LAMA2: variants seen among roughly 807,000 people sequenced by gnomAD.
LAMA2 encodes laminin subunit alpha 2, also known as laminin subunit alpha-2.
In LAMA2, 269 loss-of-function variants were observed where a neutral mutation model predicts 364.8. The ratio of observed to expected loss-of-function variants is 0.74; its 90% confidence interval spans 0.67 to 0.82. The LOEUF is 0.82. Among genes scored for constraint, LAMA2 ranks in the 40% least tolerant of loss-of-function variants. The pLI, the probability that LAMA2 is intolerant of heterozygous loss-of-function variation, is 0.00. For missense variants in LAMA2, 3,807 were observed against 3,873.2 expected (o/e 0.98, Z 0.45); for synonymous variants, 1,379 against 1,370.6 (o/e 1.01, Z -0.14).
intron 22 of LAMA2, among the ~76,000 whole-genome samples, chr6:129,311,597 A>G (rs1480819928): frequency 6.6e-6 from 1 of 152,208 alleles, no homozygotes; most frequent in African/African-American, 2.4e-5. Flanking sequence ...CAGAAACAGT[A>G]GATGTATAAT....
At chr6:128,930,021 T>G in intron 1 of LAMA2, 1 of 488,960 alleles carries the variant, frequency 2.0e-6, no homozygotes, top group South Asian at 2.2e-5. Context: ...AGCCTCGGCG[T>G]TGCAGAGCAC....
chr6:128,976,459 C>A (rs1008556811), intron 1 of LAMA2, among the ~76,000 whole-genome samples: 3 of 152,118 alleles, frequency 2.0e-5, no homozygotes, highest in Admixed American at 2.0e-4. Context: ...TGGGAGGTAA[C>A]ATCCAGGATA....
At chr6:129,318,949 T>C (rs575226540) in intron 27 of LAMA2, among the ~76,000 whole-genome samples, 58 of 152,194 alleles carry the variant, frequency 3.8e-4, no homozygotes, top group Non-Finnish European at 6.9e-4. Context: ...CATCATAAAA[T>C]AGTCCCAGTT....
chr6:129,299,964 C>T (rs1773447846), intron 21 of LAMA2, among the ~76,000 whole-genome samples: 1 of 152,154 alleles, frequency 6.6e-6, no homozygotes, highest in Non-Finnish European at 1.5e-5. Flanking sequence ...TGAAACGCTG[C>T]ACTAGAAATA....
intron 17 of LAMA2, among the ~76,000 whole-genome samples, chr6:129,275,349 A>C (rs144212133): frequency 2.0e-3 from 304 of 152,186 alleles, no homozygotes; most frequent in African/African-American, 5.9e-3. Flanking sequence ...AGAGAAATTA[A>C]GTGCCTTGAT....
chr6:129,317,793 C>T (rs538660309), intron 27 of LAMA2, among the ~76,000 whole-genome samples: 1 of 152,126 alleles, frequency 6.6e-6, no homozygotes, highest in South Asian at 2.1e-4. Context: ...GTAAACAGAA[C>T]ATCTTGTTAG....
intron 1 of LAMA2, among the ~76,000 whole-genome samples, chr6:129,029,350 C>G (rs142502922): frequency 2.6e-5 from 4 of 151,824 alleles, no homozygotes; most frequent in African/African-American, 9.7e-5. Context: ...TATGTGGCAG[C>G]ATATAAAAAC....
rs191585526 is a variant in LAMA2 at position 129,205,190 on chromosome 6, C to A, written c.1782+12337C>A. Among the ~76,000 whole-genome samples, 554 of 151,308 alleles carry A rather than the reference C, an allele frequency of 3.7e-3. 4 individuals are homozygous for A. Among genetic ancestry groups the A allele is most frequent in the South Asian group, 0.024 (114 of 4,780 alleles). ...GGATCACGACGTCAGGAGATGGAGA[C>A]CATCCTGGTTAACATGGTGAAACCC... On this transcript the variant is annotated intron_variant, in intron 12 of 64. Coordinates refer to ENST00000421865, the MANE Select transcript of LAMA2 (RefSeq NM_000426.4).
intron 45 of LAMA2, among the ~76,000 whole-genome samples, chr6:129,447,327 G>A (rs113939675): frequency 2.6e-5 from 4 of 152,318 alleles, no homozygotes; most frequent in African/African-American, 9.6e-5. Context: ...ATTTCCTGAA[G>A]GGAAGGATTT....
intron 37 of LAMA2, among the ~76,000 whole-genome samples, chr6:129,398,472 C>CTTTTTTT (rs71028159): frequency 1.1e-3 from 125 of 110,482 alleles, no homozygotes; most frequent in African/African-American, 2.8e-3. Flanking sequence ...CTTTTCTTTT[C>CTTTTTTT]TTTTTTTTTT....
chr6:129,325,074 G>A (rs778054701), intron 28 of LAMA2, among the ~76,000 whole-genome samples: 3 of 152,182 alleles, frequency 2.0e-5, no homozygotes, highest in Non-Finnish European at 4.4e-5. Flanking sequence ...GGAGCGCAGT[G>A]TGCAGCCCTG....
chr6:128,930,116 C>T (rs746719231), intron 1 of LAMA2: 12 of 275,460 alleles, frequency 4.4e-5, no homozygotes, highest in Non-Finnish European at 8.0e-5. Flanking sequence ...AGGGCGGCGC[C>T]GCGCCCGGCA....
chr6:129,067,819 C>G (rs1287337129), intron 3 of LAMA2, among the ~76,000 whole-genome samples: 1 of 152,294 alleles, frequency 6.6e-6, no homozygotes, highest in South Asian at 2.1e-4. Context: ...TCTTCAATTT[C>G]AATGTAGCTT....
chr6:129,336,711 C>T (rs571571066), intron 29 of LAMA2, among the ~76,000 whole-genome samples: 2 of 152,086 alleles, frequency 1.3e-5, no homozygotes, highest in Non-Finnish European at 2.9e-5. Context: ...TCCTTGTGCA[C>T]AAGATTGAAA....
At chr6:129,208,455 T>C (rs1457704697) in intron 12 of LAMA2, among the ~76,000 whole-genome samples, 1 of 136,958 alleles carries the variant, frequency 7.3e-6, no homozygotes, top group Non-Finnish European at 1.6e-5. Context: ...CCCTCACACA[T>C]AAACAGACAG....
intron 1 of LAMA2, among the ~76,000 whole-genome samples, chr6:128,956,459 A>G (rs1054215204): frequency 1.3e-5 from 2 of 152,036 alleles, no homozygotes; most frequent in South Asian, 4.1e-4. Flanking sequence ...TTATGAATCC[A>G]AGAGTGGAGG....
chr6:128,956,764 A>G (rs1237593134), intron 1 of LAMA2, among the ~76,000 whole-genome samples: 3 of 151,838 alleles, frequency 2.0e-5, no homozygotes, highest in South Asian at 4.2e-4. Flanking sequence ...ATACAAATTC[A>G]TGTTTGGTTC....
intron 51 of LAMA2, among the ~76,000 whole-genome samples, chr6:129,471,206 G>T (rs1783793754): frequency 6.6e-6 from 1 of 151,758 alleles, no homozygotes; most frequent in Non-Finnish European, 1.5e-5. Context: ...GTAAAGAAAA[G>T]AAATAGGGTA....
At chr6:129,385,948 G>A (rs1778992248) in intron 35 of LAMA2, among the ~76,000 whole-genome samples, 1 of 152,080 alleles carries the variant, frequency 6.6e-6, no homozygotes, top group African/African-American at 2.4e-5. Context: ...TGCCTCTTAA[G>A]AATCCTATTT....
Sources: gnomAD v4.1 joint callset for allele counts (sites outside exome capture counted in the v4.1 genomes callset) on GRCh38, gnomAD v4.1.1 for gene constraint, MANE v1.5 for transcripts, NCBI Gene and HGNC (gene_info 2026-07-23, HGNC 2026-07-21) for gene names.